PPM1E: variants seen among roughly 807,000 people sequenced by gnomAD.
The protein encoded by PPM1E is protein phosphatase, Mg2+/Mn2+ dependent 1E, also known as protein phosphatase 1E.
In PPM1E, 20 loss-of-function variants were observed where a neutral mutation model predicts 65.9. The ratio of observed to expected loss-of-function variants is 0.30; its 90% CI spans 0.21 to 0.44. PPM1E has a LOEUF of 0.44. Among genes scored for constraint, PPM1E ranks in the 20% least tolerant of loss-of-function variants. PPM1E has a pLI of 1.00. For synonymous variants in PPM1E, 352 were observed against 374.9 expected (o/e 0.94, Z 0.70); for missense variants, 713 against 953.1 (o/e 0.75, Z 3.32).
In PPM1E at chr17:58,787,668, G is replaced by A. The variant is rs1299331218; in HGVS notation, c.464+31207G>A. ...TCACACCTGTAATCCCAGCACTTTGGGAGGCCGAGGCGGGCGGATCACCAG... is the reference window on the plus strand; with the variant it reads ...TCACACCTGTAATCCCAGCACTTTGAGAGGCCGAGGCGGGCGGATCACCAG... On this transcript the variant is annotated intron_variant, in intron 1 of 6. Transcript: ENST00000308249. Among the ~76,000 whole-genome samples the A allele has an allele frequency of 2.0e-5, 3 of 152,026 alleles. 1 individual carries two copies. Among genetic ancestry groups the A allele is most frequent in the South Asian group, 4.1e-4 (2 of 4,824 alleles).
chr17:58,896,317 G>T lies in PPM1E; in HGVS notation c.465-59332G>T, dbSNP rs577140522. On this transcript the variant is annotated intron_variant, in intron 1 of 6. Coordinates refer to ENST00000308249, the MANE Select transcript of PPM1E (RefSeq NM_014906.5). Reference sequence around the variant, plus strand: ...TTGAGAAGTCTGGCTGGGCATGGTGGCTCATGCTTGTAATCCCAACACTTT... The same window carrying T: ...TTGAGAAGTCTGGCTGGGCATGGTGTCTCATGCTTGTAATCCCAACACTTT... 2.0e-5 allele frequency among the ~76,000 whole-genome samples: 3 copies of T among 152,156 alleles called. No individual in the cohort carries two copies. The East Asian group carries it at 5.8e-4, about 29-fold the overall frequency.
intron 1 of PPM1E, among the ~76,000 whole-genome samples, chr17:58,807,589 A>G (rs895950785): frequency 1.3e-5 from 2 of 152,220 alleles, no homozygotes; most frequent in Non-Finnish European, 1.5e-5. Context: ...TATATGAATG[A>G]CATATCAATT....
At chr17:58,769,109 A>G (rs563149837) in intron 1 of PPM1E, among the ~76,000 whole-genome samples, 42 of 152,274 alleles carry the variant, frequency 2.8e-4, no homozygotes, top group African/African-American at 1.0e-3. Context: ...ACTTACTAAG[A>G]TGCCTGGAGA....
At position 58,756,154 on chromosome 17, in the gene PPM1E, C is replaced by T. The variant is rs767458546; in HGVS notation, c.157C>T (p.Leu53=). The change falls in exon 1 of 7, where the codon CTG becomes TTG. Residue 53 remains leucine (L), a synonymous_variant. Coordinates refer to ENST00000308249, the MANE Select transcript of PPM1E (RefSeq NM_014906.5). Reference sequence around the variant, plus strand: ...GTCCGAGCCCGAGCCCGAACCTGAACTGGTAGAAGCTGAGGCGGCCGAGGC... The same window carrying T: ...GTCCGAGCCCGAGCCCGAACCTGAATTGGTAGAAGCTGAGGCGGCCGAGGC... The part of the protein sequence containing the change: ...PESEPEPEPE[L]VEAEAAEASV... The T allele has an allele frequency of 6.3e-7, 1 of 1,592,146 alleles. No homozygotes were observed. Among genetic ancestry groups the T allele is most frequent in the Non-Finnish European group, 8.6e-7 (1 of 1,169,346 alleles).
At chr17:58,860,856 G>C (rs1245201732) in intron 1 of PPM1E, among the ~76,000 whole-genome samples, 2 of 152,082 alleles carry the variant, frequency 1.3e-5, no homozygotes, top group African/African-American at 4.8e-5. Flanking sequence ...GGAATTGCTT[G>C]AACCAGGGAG....
At chr17:58,904,418 T>C (rs1055763979) in intron 1 of PPM1E, among the ~76,000 whole-genome samples, 4 of 152,206 alleles carry the variant, frequency 2.6e-5, no homozygotes, top group African/African-American at 9.6e-5. Context: ...TTTTACACTT[T>C]GAATCTGATT....
intron 1 of PPM1E, among the ~76,000 whole-genome samples, chr17:58,851,376 G>A (rs2050824543): frequency 6.6e-6 from 1 of 152,174 alleles, no homozygotes; most frequent in Admixed American, 6.5e-5. Flanking sequence ...AGAATTTTCA[G>A]CTTTTCTGCT....
At chr17:58,785,633 A>G (rs2050092950) in intron 1 of PPM1E, 1 of 151,364 alleles carries the variant, frequency 6.6e-6, no homozygotes, top group Admixed American at 6.6e-5. Context: ...TTTATAAAAA[A>G]TATAATAAAA....
At chr17:58,858,700 TTATC>T (rs1439985145) in intron 1 of PPM1E, among the ~76,000 whole-genome samples, 2 of 152,212 alleles carry the variant, frequency 1.3e-5, no homozygotes, top group Non-Finnish European at 2.9e-5. Context: ...CACATTTTCT[TTATC>T]TATTATCTAT....
At chr17:58,878,713 A>T (rs2051155252) in intron 1 of PPM1E, among the ~76,000 whole-genome samples, 2 of 150,806 alleles carry the variant, frequency 1.3e-5, no homozygotes, top group Non-Finnish European at 3.0e-5. Context: ...TGGGCAGATC[A>T]CCTGAGGTAG....
rs944263220 is a variant in PPM1E, at chr17:58,983,978, G to A, written c.*2947G>A. On this transcript the variant is annotated 3_prime_UTR_variant, in exon 7 of 7. Coordinates refer to ENST00000308249, the MANE Select transcript of PPM1E (RefSeq NM_014906.5). ...GGTTTCCTTTGTTCACTTTCTAGAT[G>A]TGTACTTTTGAGGGACATGAGGTTA... 2.0e-5 allele frequency: 3 copies of A among 152,566 alleles called. No individual in the cohort carries two copies. Among genetic ancestry groups the A allele is most frequent in the African/African-American group, 7.2e-5 (3 of 41,436 alleles). The allele number at this position is 152,566 out of a possible 1,614,324, so 9.5% of individuals were successfully genotyped here. A position where few individuals can be genotyped will look rare whatever the true frequency, so the allele number is the denominator to read the frequency against.
chr17:58,781,761 C>G (rs912356331), intron 1 of PPM1E, among the ~76,000 whole-genome samples: 1 of 151,874 alleles, frequency 6.6e-6, no homozygotes, highest in African/African-American at 2.4e-5. Context: ...TGGTGCATAC[C>G]TGTAATCCCA....
chr17:58,798,784 C>T (rs555145338), intron 1 of PPM1E, among the ~76,000 whole-genome samples: 64 of 151,842 alleles, frequency 4.2e-4, no homozygotes, highest in Non-Finnish European at 7.5e-4. Context: ...CCCTCTGCCT[C>T]CTGGGTTCAA....
At chr17:58,962,384 T>C (rs1366630071) in intron 2 of PPM1E, among the ~76,000 whole-genome samples, 1 of 152,172 alleles carries the variant, frequency 6.6e-6, no homozygotes, top group Non-Finnish European at 1.5e-5. Flanking sequence ...CAAAGAATGA[T>C]ATAATAGTTT....
At chr17:58,774,164 C>CT (rs1477782058) in intron 1 of PPM1E, among the ~76,000 whole-genome samples, 5 of 150,834 alleles carry the variant, frequency 3.3e-5, no homozygotes, top group Admixed American at 2.7e-4. Flanking sequence ...CTCTGTCCCC[C>CT]CCCCCCAAAA....
chr17:58,842,422 A>G (rs1326682605), intron 1 of PPM1E, among the ~76,000 whole-genome samples: 1 of 152,240 alleles, frequency 6.6e-6, no homozygotes. Flanking sequence ...CCATACTAAC[A>G]TAAGCTGTTA....
chr17:58,762,897 CAAAA>C (rs35912480), intron 1 of PPM1E, among the ~76,000 whole-genome samples: 2 of 93,170 alleles, frequency 2.1e-5, no homozygotes, highest in Non-Finnish European at 2.1e-5. Flanking sequence ...GACTCCGTCT[CAAAA>C]AAAAAAAAAA....
At chr17:58,838,598 G>A (rs2050686170) in intron 1 of PPM1E, among the ~76,000 whole-genome samples, 1 of 152,228 alleles carries the variant, frequency 6.6e-6, no homozygotes, top group Non-Finnish European at 1.5e-5. Flanking sequence ...TTGGAAAAGA[G>A]TTTGGCAGTG....
chr17:58,848,820 A>G (rs997990964), intron 1 of PPM1E, among the ~76,000 whole-genome samples: 8 of 152,166 alleles, frequency 5.3e-5, no homozygotes, highest in African/African-American at 1.7e-4. Flanking sequence ...CTCTTTTTCT[A>G]TTGATTGGAA....
Sources: allele counts gnomAD v4.1 joint callset (sites outside exome capture counted in the v4.1 genomes callset), GRCh38; gene constraint gnomAD v4.1.1; transcripts MANE v1.5; gene names NCBI Gene and HGNC (gene_info 2026-07-23, HGNC 2026-07-21).